DNAH17: variants seen among roughly 807,000 people sequenced by gnomAD.
The protein encoded by DNAH17 is axonemal beta dynein heavy chain 17.
In DNAH17, 376 loss-of-function variants were observed where a neutral mutation model predicts 485.6. That is an observed-to-expected ratio of 0.77 (90% CI 0.71 to 0.84). The LOEUF is 0.84. Among genes scored for constraint, DNAH17 ranks in the 40% least tolerant of loss-of-function variants. DNAH17 has a pLI of 0.00. For missense variants in DNAH17, 6,370 were observed against 5,839.3 expected, an observed-to-expected ratio of 1.09 and a Z score of -2.96; for synonymous variants, 3,031 against 2,405.9, an observed-to-expected ratio of 1.26 and a Z score of -7.60.
rs917918442 is a variant in DNAH17, at chr17:78,524,870, C to T, written c.3864+139G>A. On this transcript the variant is annotated intron_variant, in intron 25 of 80. Coordinates refer to ENST00000389840, the MANE Select transcript of DNAH17 (RefSeq NM_173628.4). The stretch of plus-strand genomic sequence containing the variant: ...CCCACCTCGCGATCTCAGGGCCCTT[C>T]GGATGCCTCCACCCAACACCAGAAA... 3.1e-5 allele frequency: 38 copies of T among 1,215,092 alleles called. No homozygotes were observed. In the South Asian group the frequency reaches 3.2e-4, roughly 10 times the overall value. The allele number at this position is 1,215,092 out of a possible 1,614,324, so 75.3% of individuals were successfully genotyped here.
In DNAH17 at chr17:78,500,306, T is replaced by C. The variant is rs1451949894; in HGVS notation, c.5639A>G (p.Lys1880Arg). 1 of 1,610,818 alleles carries C rather than the reference T, an allele frequency of 6.2e-7. No homozygotes were observed. Among genetic ancestry groups the C allele is most frequent in the Non-Finnish European group, 8.5e-7 (1 of 1,178,640 alleles). Residue 1880 changes from lysine to arginine, a missense_variant and splice_region_variant, in exon 36 of 81, where the codon AAG (lysine) becomes AGG (arginine). Lys to Arg is a conservative substitution (Grantham distance 26). Transcript: ENST00000389840. ...VFNCSEQMDY[K>R]SCGNIYKGLA... The stretch of plus-strand genomic sequence containing the variant: ...CTCCTCCGGACCCCGGCCGCGTACC[T>C]TGTAGTCCATCTGCTCGGAGCAGTT...
intron 16 of DNAH17, among the ~76,000 whole-genome samples, chr17:78,545,466 G>A (rs1296843308): frequency 1.3e-5 from 2 of 152,162 alleles, no homozygotes; most frequent in Non-Finnish European, 2.9e-5. Context: ...CTCTCTTCCT[G>A]GTGGGCAGAT....
At position 78,460,341 on chromosome 17, in the gene DNAH17, T is replaced by TGTGCATGTGTGTGCATGTGC; in HGVS notation, c.9340-85_9340-84insGCACATGCACACACATGCAC. The TGTGCATGTGTGTGCATGTGC allele has an allele frequency of 2.0e-5, 19 of 936,498 alleles. No homozygotes were observed. The South Asian group carries it at 2.8e-4, about 14-fold the overall frequency. 58.0% of individuals were successfully genotyped at this position (936,498 alleles called of 1,614,324 possible). Reference sequence around the variant, plus strand: ...GTGTACGTGCATGTGTGTGCATGTGTGTGCATGTGTGTGCATGTATGCACG... The same window carrying TGTGCATGTGTGTGCATGTGC: ...GTGTACGTGCATGTGTGTGCATGTGTGTGCATGTGTGTGCATGTGCGTGCATGTGTGTGCATGTATGCACG... On this transcript the variant is annotated intron_variant, in intron 58 of 80. Coordinates refer to ENST00000389840, the MANE Select transcript of DNAH17 (RefSeq NM_173628.4).
chr17:78,570,993 G>T lies in DNAH17; in HGVS notation c.873C>A (p.Pro291=), dbSNP rs1245919332. Reference sequence around the variant, plus strand: ...CCATCTCCTCCAGCAGGATCCGTAGGGGCTTCAAATAGAGCACGATGTCGT... The same window carrying T: ...CCATCTCCTCCAGCAGGATCCGTAGTGGCTTCAAATAGAGCACGATGTCGT... The part of the protein sequence containing the change: ...EANDIVLYLK[P]LRILLEEMEQ... The change falls in exon 6 of 81, where the codon CCC becomes CCA. Residue 291 remains proline (P), a synonymous_variant. Coordinates refer to ENST00000389840, the MANE Select transcript of DNAH17 (RefSeq NM_173628.4). 6.3e-7 allele frequency: 1 copy of T among 1,583,854 alleles called. No homozygotes were observed. The highest frequency in any genetic ancestry group is 2.3e-5 in the East Asian group (1 of 43,368).
Position 78,555,744 on chromosome 17 carries a change from T to C in DNAH17, c.2178+2364A>G, listed in dbSNP as rs142577135. ...TGCGTGAGGTTGTTTCTGGATGAGA[T>C]AAGCATTGGAATGGGTGGGCTCAGG... On this transcript the variant is annotated intron_variant, in intron 14 of 80. Coordinates refer to ENST00000389840, the MANE Select transcript of DNAH17 (RefSeq NM_173628.4). Among the ~76,000 whole-genome samples, 14 of 152,206 alleles carry C rather than the reference T, an allele frequency of 9.2e-5. No homozygotes were observed. The East Asian group carries it at 2.5e-3, about 27-fold the overall frequency.
chr17:78,553,222 G>GCAGAGC (rs1465174752), intron 14 of DNAH17, among the ~76,000 whole-genome samples: 2 of 148,078 alleles, frequency 1.4e-5, no homozygotes, highest in African/African-American at 5.0e-5. Flanking sequence ...TGTACAGCCT[G>GCAGAGC]CAGAGCCATG....
intron 26 of DNAH17, among the ~76,000 whole-genome samples, chr17:78,512,969 T>C (rs964593096): frequency 1.4e-5 from 2 of 141,310 alleles, no homozygotes; most frequent in African/African-American, 5.3e-5. Flanking sequence ...AAAAAAGAAT[T>C]AATGGAGACA....
chr17:78,539,608 T>C (rs1032869806), intron 18 of DNAH17, 129 bp downstream of exon 18: 15 of 860,346 alleles, frequency 1.7e-5, no homozygotes, highest in African/African-American at 8.8e-5. Flanking sequence ...GTCAAGTAGA[T>C]TGCATAAGAT....
At chr17:78,501,404 G>A in intron 34 of DNAH17, 60 bp from the exon 35 acceptor site, 1 of 1,531,470 alleles carries the variant, frequency 6.5e-7, no homozygotes, top group Non-Finnish European at 8.8e-7. Flanking sequence ...GGCTGCCTAA[G>A]GAAGGCCAGC....
chr17:78,548,197 A>G, intron 16 of DNAH17, among the ~76,000 whole-genome samples: 1 of 85,944 alleles, frequency 1.2e-5, no homozygotes, highest in East Asian at 3.9e-4. Context: ...CGTAGATGTC[A>G]TGGCCTTTTT....
Position 78,494,050 on chromosome 17 carries a change from T to A in DNAH17, c.6394A>T (p.Ser2132Cys). 6.2e-7 allele frequency: 1 copy of A among 1,612,638 alleles called. No homozygotes were observed. The stretch of plus-strand genomic sequence containing the variant: ...GGGTGACACACCTGAGATTTGCCGC[T>A]GCCCGCATTCCCGACGATGAACACG... ...HSVFIVGNAG[S>C]GKSQVLKSLN... is the part of the protein sequence containing the mutation. Residue 2132 changes from serine (S) to cysteine (C), a missense_variant, in exon 41 of 81, where the codon AGC becomes TGC. Ser to Cys is a moderately radical substitution (Grantham distance 112, BLOSUM62 -1). Coordinates refer to ENST00000389840, the MANE Select transcript of DNAH17 (RefSeq NM_173628.4).
In DNAH17 at chr17:78,439,193, T is replaced by C. The variant is rs759662718; in HGVS notation, c.11702A>G (p.Asp3901Gly). The C allele has an allele frequency of 6.2e-7, 1 of 1,608,436 alleles. No homozygotes were observed. The highest frequency in any genetic ancestry group is 1.1e-5 in the South Asian group (1 of 89,698). Reference sequence around the variant, plus strand: ...GGACACATTATGGAGTTTTCCATTGTCTATGGTAAACCCTAGTTTTTTTCC... The same window carrying C: ...GGACACATTATGGAGTTTTCCATTGCCTATGGTAAACCCTAGTTTTTTTCC... Reference protein sequence around the residue: ...ALGKKLGFTIDNGKLHNVSLG... With the variant: ...ALGKKLGFTIGNGKLHNVSLG... The change falls in exon 73 of 81, where the codon GAC (aspartate) becomes GGC (glycine). Residue 3901 changes from aspartate (D) to glycine (G), a missense_variant. By Grantham distance (94) the Asp-to-Gly change is moderately conservative. Transcript: ENST00000389840.
At chr17:78,506,907 C>A (rs1455701250) in intron 29 of DNAH17, 61 bp from the exon 30 acceptor site, 19 of 1,600,258 alleles carry the variant, frequency 1.2e-5, no homozygotes, top group Non-Finnish European at 6.0e-6. Context: ...ATGTCTGCCA[C>A]CCACCCTGTC....
Position 78,499,002 on chromosome 17 carries a change from C to A in DNAH17, c.5745+6G>T. ...TGACCCCGAGGCCGCAGGCAGGGGA[C>A]TTTACCTGCACGGCAATCACAGACA... is the stretch of plus-strand genomic sequence containing the variant. On this transcript the variant is annotated splice_donor_region_variant and intron_variant, in intron 37 of 80. Transcript: ENST00000389840. 1 of 1,603,526 alleles carries A rather than the reference C, an allele frequency of 6.2e-7. No homozygotes were observed. Among genetic ancestry groups the A allele is most frequent in the Non-Finnish European group, 8.5e-7 (1 of 1,175,172 alleles).
At chr17:78,434,522 C>T (rs761597691) in intron 74 of DNAH17, among the ~76,000 whole-genome samples, 23 of 152,114 alleles carry the variant, frequency 1.5e-4, no homozygotes, top group Non-Finnish European at 2.1e-4. Flanking sequence ...CTGGACATTT[C>T]GGGACTACTT....
rs372337837 is a variant in DNAH17, at chr17:78,426,907, C to T, written c.12771+19G>A. On this transcript the variant is annotated intron_variant, in intron 78 of 80. Coordinates refer to ENST00000389840, the MANE Select transcript of DNAH17 (RefSeq NM_173628.4). ...CACCATCCAGCCACGTCCCTGGGGC[C>T]GGGCTGACCCATGTTTACCTTCAGC... 1.8e-4 allele frequency: 287 copies of T among 1,585,910 alleles called. 1 individual carries two copies. Among genetic ancestry groups the T allele is most frequent in the Non-Finnish European group, 2.2e-4 (259 of 1,165,816 alleles).
chr17:78,569,559 T>C, intron 7 of DNAH17, 32 bp from the exon 8 acceptor site: 1 of 1,584,692 alleles, frequency 6.3e-7, no homozygotes, highest in Non-Finnish European at 8.6e-7. Context: ...CATCTAAAGC[T>C]CCGACAAGCC....
chr17:78,498,065 C>T (rs1240889757), intron 37 of DNAH17, among the ~76,000 whole-genome samples: 1 of 152,016 alleles, frequency 6.6e-6, no homozygotes, highest in African/African-American at 2.4e-5. Context: ...TTGCTTAAAC[C>T]CGGGAGGCGG....
chr17:78,486,038 A>T lies in DNAH17; in HGVS notation c.7197T>A (p.Ile2399=). The change falls in exon 46 of 81, where the codon ATT becomes ATA. Residue 2399 remains isoleucine, a synonymous_variant. Coordinates refer to ENST00000389840, the MANE Select transcript of DNAH17 (RefSeq NM_173628.4). ...GCAGGAACTTTTTTGTGTCAGGATC[A>T]ATGTAGTAGTCAAAAATCGTTCCCT... ...PSQGTIFDYY[I]DPDTKKFLPW... The T allele has an allele frequency of 6.2e-7, 1 of 1,614,006 alleles. No homozygotes were observed. The highest frequency in any genetic ancestry group is 8.5e-7 in the Non-Finnish European group (1 of 1,179,910).
Sources: gnomAD v4.1 joint callset for allele counts (sites outside exome capture counted in the v4.1 genomes callset) on GRCh38, gnomAD v4.1.1 for gene constraint, MANE v1.5 for transcripts, NCBI Gene and HGNC (gene_info 2026-07-23, HGNC 2026-07-21) for gene names.